Variants in PRICKLE2 observed in about 807,000 individuals in gnomAD.
PRICKLE2 encodes the protein prickle-like protein 2.
A neutral mutation model predicts 81.4 loss-of-function variants in PRICKLE2; 21 were observed. That is an observed-to-expected ratio of 0.26 (90% confidence interval 0.18 to 0.37). PRICKLE2 has a LOEUF of 0.37. Among genes scored for constraint, PRICKLE2 ranks in the 10% least tolerant of loss-of-function variants. The pLI is 1.00. For missense variants in PRICKLE2, 940 were observed against 1,109.0 expected (o/e 0.85, Z 2.16); for synonymous variants, 456 against 421.5 (o/e 1.08, Z -1.00).
Position 64,153,278 on chromosome 3 carries a change from C to T in PRICKLE2, c.691G>A (p.Gly231Ser). ...CCCTCCTTCATGATGTAGCGCTGGC[C>T]GCCCAGCACTGTCTCACACTCGAAG... ...CCFECETVLG[G>S]QRYIMKEGRP... Residue 231 changes from glycine to serine, a missense_variant, in exon 6 of 8, where the codon GGC becomes AGC. Physicochemically the swap from Gly to Ser is moderately conservative, Grantham distance 56. Transcript: ENST00000638394. 2 of 1,614,160 alleles carry T rather than the reference C, an allele frequency of 1.2e-6. No individual in the cohort carries two copies. The highest frequency in any genetic ancestry group is 1.7e-6 in the Non-Finnish European group (2 of 1,180,028).
chr3:64,157,069 C>T, intron 5 of PRICKLE2, 93 bp downstream of exon 5: 1 of 1,198,988 alleles, frequency 8.3e-7, no homozygotes, highest in Middle Eastern at 2.4e-4. Context: ...TTGCCTATGG[C>T]TTTCTTCAGT....
chr3:64,099,479 T>C lies in PRICKLE2; in HGVS notation c.2107A>G (p.Ser703Gly). The change falls in exon 8 of 8, where the codon AGC becomes GGC. Residue 703 changes from serine to glycine, a missense_variant. This residue lies in a region of PRICKLE2 where 670 missense variants were observed against 717.2 expected (regional missense o/e 0.93). Transcript: ENST00000638394. This position sits in a 1 kb window ranked among gnomAD's most constrained non-coding sequence, Gnocchi z 4.3. ...AACCGGGAGATGGCCTCGCGTTCGC[T>C]GGCCAGGTGGAGGGCGTTGTCGGAG... ...SRSDNALHLA[S>G]EREAISRLKD... is the part of the protein sequence containing the mutation. 4.4e-6 allele frequency: 7 copies of C among 1,586,436 alleles called. No homozygotes were observed. The highest frequency in any genetic ancestry group is 6.0e-6 in the Non-Finnish European group (7 of 1,162,086).
chr3:64,144,918 C>A (rs749340036), intron 7 of PRICKLE2, among the ~76,000 whole-genome samples: 3 of 152,130 alleles, frequency 2.0e-5, no homozygotes, highest in Non-Finnish European at 2.9e-5. Context: ...ACTAATCTCG[C>A]TGCTGATAGG....
At chr3:64,207,617 T>C (rs1199500758) in intron 1 of PRICKLE2, among the ~76,000 whole-genome samples, 2 of 152,160 alleles carry the variant, frequency 1.3e-5, no homozygotes, top group Non-Finnish European at 1.5e-5. Flanking sequence ...ACTGGTGCCC[T>C]GCAGCAGGAT....
At position 64,146,955 on chromosome 3, in the gene PRICKLE2, C is replaced by A. The variant is rs772691573; in HGVS notation, c.1535G>T (p.Gly512Val). 6.2e-7 allele frequency: 1 copy of A among 1,614,120 alleles called. No individual in the cohort carries two copies. Among genetic ancestry groups the A allele is most frequent in the Non-Finnish European group, 8.5e-7 (1 of 1,180,022 alleles). Reference protein sequence around the residue: ...KYEEEEEEEGGLSTQQCRTRH... With the variant: ...KYEEEEEEEGVLSTQQCRTRH... ...GGTCCGACACTGCTGAGTGGACAAGCCCCCTTCCTCTTCCTCTTCCTCCTC... is the reference window on the plus strand; with the variant it reads ...GGTCCGACACTGCTGAGTGGACAAGACCCCTTCCTCTTCCTCTTCCTCCTC... Residue 512 changes from glycine to valine, a missense_variant, in exon 7 of 8, where the codon GGC (glycine) becomes GTC (valine). Around this residue, in one of 2 missense-constraint regions of PRICKLE2, gnomAD observed 670 missense variants for 717.2 expected, o/e 0.93. Coordinates refer to ENST00000638394, the MANE Select transcript of PRICKLE2 (RefSeq NM_198859.4).
chr3:64,215,913 C>G (rs2078864367), intron 1 of PRICKLE2, among the ~76,000 whole-genome samples: 1 of 152,184 alleles, frequency 6.6e-6, no homozygotes, highest in African/African-American at 2.4e-5. Flanking sequence ...AGCAAATGTT[C>G]AAAAGGTTGT....
intron 2 of PRICKLE2, among the ~76,000 whole-genome samples, chr3:64,170,624 C>G (rs1212692953): frequency 1.3e-5 from 2 of 150,414 alleles, no homozygotes; most frequent in African/African-American, 4.9e-5. Context: ...CTTTGGGAGG[C>G]TAAGGGAGGA....
intron 1 of PRICKLE2, among the ~76,000 whole-genome samples, chr3:64,206,427 C>T (rs377751326): frequency 3.3e-5 from 5 of 152,234 alleles, no homozygotes; most frequent in African/African-American, 1.2e-4. Flanking sequence ...TATGCCAGCC[C>T]TTCCTTGCCA....
intron 2 of PRICKLE2, among the ~76,000 whole-genome samples, chr3:64,234,761 C>T (rs547760596): frequency 6.6e-6 from 1 of 152,250 alleles, no homozygotes; most frequent in South Asian, 2.1e-4. Flanking sequence ...AGTCAGCTGT[C>T]GTTCCCTTGT....
rs551692881 is a variant in PRICKLE2 at position 64,167,980 on chromosome 3, A to T, written c.145-4851T>A. ...ATGCAGTTGCCAGGCAAATGGTAGG[A>T]TTCCCACTTTCTTCAAGAGATCTAG... On this transcript the variant is annotated intron_variant, in intron 2 of 7. Transcript: ENST00000638394. Among the ~76,000 whole-genome samples the T allele has an allele frequency of 3.1e-4, 47 of 152,236 alleles. 1 individual carries two copies. The highest frequency in any genetic ancestry group is 1.0e-3 in the African/African-American group (42 of 41,542).
chr3:64,108,081 C>T (rs1019552307), intron 7 of PRICKLE2, among the ~76,000 whole-genome samples: 5 of 152,172 alleles, frequency 3.3e-5, no homozygotes, highest in Non-Finnish European at 2.9e-5. Flanking sequence ...TGTATTCAAA[C>T]ACAACTACAC....
chr3:64,183,283 G>A (rs563104645), intron 2 of PRICKLE2, among the ~76,000 whole-genome samples: 30 of 152,160 alleles, frequency 2.0e-4, no homozygotes, highest in African/African-American at 4.1e-4. Context: ...TTATTGACCC[G>A]TTTTATAATG....
chr3:64,200,341 G>A (rs1452926737), intron 1 of PRICKLE2: 2 of 152,126 alleles, frequency 1.3e-5, no homozygotes, highest in Admixed American at 6.5e-5. Flanking sequence ...CCATTGTATA[G>A]ATATACCACA....
chr3:64,205,247 C>T (rs1378474864), intron 1 of PRICKLE2, among the ~76,000 whole-genome samples: 5 of 152,026 alleles, frequency 3.3e-5, no homozygotes, highest in South Asian at 2.1e-4. Context: ...TTCTCCTCTA[C>T]CCCAAAACAA....
intron 1 of PRICKLE2, among the ~76,000 whole-genome samples, chr3:64,207,464 G>A (rs1369414601): frequency 1.3e-5 from 2 of 152,054 alleles, no homozygotes; most frequent in Non-Finnish European, 2.9e-5. Flanking sequence ...TTCATTCTAC[G>A]TGTTCCTCAT....
intron 1 of PRICKLE2, among the ~76,000 whole-genome samples, chr3:64,213,375 G>A (rs1452962731): frequency 6.6e-6 from 1 of 152,126 alleles, no homozygotes; most frequent in African/African-American, 2.4e-5. Flanking sequence ...CACCGTGCCC[G>A]GCCATGACTT....
At chr3:64,111,360 A>T (rs2076844017) in intron 7 of PRICKLE2, among the ~76,000 whole-genome samples, 1 of 152,220 alleles carries the variant, frequency 6.6e-6, no homozygotes, top group Non-Finnish European at 1.5e-5. Context: ...TCTAAGTGGG[A>T]AAAGGGAGTT....
At chr3:64,171,928 A>C (rs1038677596) in intron 2 of PRICKLE2, among the ~76,000 whole-genome samples, 1 of 152,208 alleles carries the variant, frequency 6.6e-6, no homozygotes, top group Non-Finnish European at 1.5e-5. Context: ...AATTTCTTTC[A>C]AGTTGAGTTA....
intron 7 of PRICKLE2, among the ~76,000 whole-genome samples, chr3:64,120,361 A>T (rs2106966285): frequency 6.6e-6 from 1 of 152,342 alleles, no homozygotes; most frequent in Non-Finnish European, 1.5e-5. Context: ...CATAAAATGC[A>T]CTGGTGCTTC....
Sources: gnomAD v4.1 joint callset for allele counts (sites outside exome capture counted in the v4.1 genomes callset) on GRCh38, gnomAD v4.1.1 for gene constraint, gnomAD v4.1.1 regional missense constraint, Gnocchi (gnomAD v3.1) non-coding constraint, MANE v1.5 for transcripts, NCBI Gene and HGNC (gene_info 2026-07-23, HGNC 2026-07-21) for gene names.